The following FAM81A variants were observed in gnomAD, a reference collection of about 807,000 sequenced individuals.
FAM81A encodes family with sequence similarity 81 member A.
Under a neutral mutation model 46.7 loss-of-function variants are expected in FAM81A, and 19 were observed. The observed-to-expected ratio is 0.41, with a 90% CI of 0.28 to 0.60. The LOEUF (loss-of-function observed/expected upper bound fraction) is 0.60, where lower values mean the gene tolerates loss of function less well. Among genes scored for constraint, FAM81A ranks in the 20% least tolerant of loss-of-function variants. The pLI is 0.34. For synonymous variants in FAM81A, 183 were observed against 152.9 expected, an observed-to-expected ratio of 1.20 and a Z score of -1.45; for missense variants, 377 against 453.5, an observed-to-expected ratio of 0.83 and a Z score of 1.53.
chr15:59,476,125 C>T (rs1444637986), intron 3 of FAM81A, among the ~76,000 whole-genome samples: 2 of 152,122 alleles, frequency 1.3e-5, no homozygotes, highest in Admixed American at 1.3e-4. Flanking sequence ...TTTTAAGGTA[C>T]TAATCCCATT....
At chr15:59,504,800 C>T (rs1271788519) in intron 4 of FAM81A, among the ~76,000 whole-genome samples, 1 of 152,128 alleles carries the variant, frequency 6.6e-6, no homozygotes, top group Non-Finnish European at 1.5e-5. Flanking sequence ...TCTGTTGTCT[C>T]CTATATCTAT....
intron 2 of FAM81A, among the ~76,000 whole-genome samples, chr15:59,412,292 T>C (rs760061766): frequency 1.6e-4 from 24 of 152,174 alleles, no homozygotes; most frequent in Non-Finnish European, 3.1e-4. Flanking sequence ...AGGAGTTTTG[T>C]TGGGGAGAGA....
In FAM81A at chr15:59,412,447, C is replaced by T. The variant is rs184088246; in HGVS notation, c.-78+10089C>T. Among the ~76,000 whole-genome samples the T allele has an allele frequency of 3.0e-3, 455 of 152,184 alleles. 2 individuals carry two copies. Among genetic ancestry groups the T allele is most frequent in the African/African-American group, 0.011 (440 of 41,530 alleles). ...GGTTCCAAAGAATAGTGTTACAAGC[C>T]GGGCACAGTGGCTCATGTCTGTAAT... On this transcript the variant is annotated intron_variant, in intron 2 of 4. Transcript: ENST00000558348.
rs1173562951 is a variant in FAM81A at position 59,508,787 on chromosome 15, T to C, written c.544-76T>C. On this transcript the variant is annotated intron_variant, in intron 5 of 8. Coordinates refer to ENST00000288228, the MANE Select transcript of FAM81A (RefSeq NM_152450.3). Reference sequence around the variant, plus strand: ...AATCTTAATGCCATTGACTACAATATGGCTTACTAAATGTTTTCTGAAGTT... The same window carrying C: ...AATCTTAATGCCATTGACTACAATACGGCTTACTAAATGTTTTCTGAAGTT... 15 of 1,017,788 alleles carry C rather than the reference T, an allele frequency of 1.5e-5. No individual in the cohort carries two copies. In the African/African-American group the frequency reaches 2.4e-4, roughly 16 times the overall value. The allele number at this position is 1,017,788 out of a possible 1,614,324, so 63.0% of individuals were successfully genotyped here.
intron 1 of FAM81A, among the ~76,000 whole-genome samples, chr15:59,441,989 G>A (rs1186244451): frequency 2.6e-5 from 4 of 152,230 alleles, no homozygotes; most frequent in African/African-American, 7.2e-5. Context: ...ACTCTGTGAG[G>A]CAGAGACTCT....
rs1026654419 is a variant in FAM81A at position 59,522,852 on chromosome 15, C to G, written c.*1474C>G. 1.3e-5 allele frequency: 2 copies of G among 152,562 alleles called. No individual in the cohort carries two copies. Among genetic ancestry groups the G allele is most frequent in the African/African-American group, 2.4e-5 (1 of 41,418 alleles). 9.5% of individuals were successfully genotyped at this position (152,562 alleles called of 1,614,324 possible). A position where few individuals can be genotyped will look rare whatever the true frequency, so the allele number is the denominator to read the frequency against. ...ATATGCTGCTAAAGTACATATTTTGCTGTCAATGGCTTGACAATTTTTTTT... is the reference window on the plus strand; with the variant it reads ...ATATGCTGCTAAAGTACATATTTTGGTGTCAATGGCTTGACAATTTTTTTT... On this transcript the variant is annotated 3_prime_UTR_variant, in exon 9 of 9. Transcript: ENST00000288228.
At chr15:59,484,326 C>T (rs867805085) in intron 3 of FAM81A, among the ~76,000 whole-genome samples, 1 of 152,190 alleles carries the variant, frequency 6.6e-6, no homozygotes, top group Non-Finnish European at 1.5e-5. Flanking sequence ...GAAGCCTCCA[C>T]CAATTGTCCT....
chr15:59,481,896 T>G lies in FAM81A; in HGVS notation c.295-10375T>G, dbSNP rs138059073. On this transcript the variant is annotated intron_variant, in intron 3 of 8. Coordinates refer to ENST00000288228, the MANE Select transcript of FAM81A (RefSeq NM_152450.3). ...AAACCTTTTTGATTTTTGATATATT[T>G]TTAATATTATAGATTTAAAATATTT... 8.5e-3 allele frequency among the ~76,000 whole-genome samples: 1,289 copies of G among 151,954 alleles called. 17 individuals are homozygous for G. Among genetic ancestry groups the G allele is most frequent in the African/African-American group, 0.03 (1,233 of 41,474 alleles).
chr15:59,403,571 A>C (rs1231858290), intron 2 of FAM81A, among the ~76,000 whole-genome samples: 3 of 152,184 alleles, frequency 2.0e-5, no homozygotes, highest in Admixed American at 6.5e-5. Flanking sequence ...CTGTTATGGC[A>C]GCCGAAGCAG....
chr15:59,509,676 G>A (rs1392167896), intron 6 of FAM81A, among the ~76,000 whole-genome samples: 2 of 152,176 alleles, frequency 1.3e-5, no homozygotes, highest in Non-Finnish European at 2.9e-5. Flanking sequence ...AGGCCTGGTT[G>A]TGGGGCCTTC....
intron 6 of FAM81A, among the ~76,000 whole-genome samples, chr15:59,511,627 T>C (rs1459992258): frequency 6.6e-6 from 1 of 152,214 alleles, no homozygotes; most frequent in Non-Finnish European, 1.5e-5. Flanking sequence ...TATGTATCAG[T>C]ATTTTTGTAA....
chr15:59,426,857 C>T (rs2141559283), intron 2 of FAM81A, among the ~76,000 whole-genome samples: 1 of 152,334 alleles, frequency 6.6e-6, no homozygotes, highest in East Asian at 1.9e-4. Context: ...AACATATTTA[C>T]ATTATAACTA....
intron 3 of FAM81A, among the ~76,000 whole-genome samples, chr15:59,466,161 A>G (rs898928896): frequency 2.6e-5 from 4 of 152,236 alleles, no homozygotes; most frequent in Non-Finnish European, 4.4e-5. Context: ...TAGTGCTGCA[A>G]TAAACATACA....
intron 6 of FAM81A, among the ~76,000 whole-genome samples, chr15:59,512,267 T>A (rs543629351): frequency 2.7e-4 from 41 of 151,602 alleles, no homozygotes; most frequent in Non-Finnish European, 4.9e-4. Context: ...TCACTTGAGT[T>A]TGGGAGACTA....
At chr15:59,463,822 T>A (rs2081581450) in intron 3 of FAM81A, among the ~76,000 whole-genome samples, 1 of 152,298 alleles carries the variant, frequency 6.6e-6, no homozygotes, top group Admixed American at 6.5e-5. Flanking sequence ...TTTTTTGTTT[T>A]TGTTATTAAT....
intron 3 of FAM81A, among the ~76,000 whole-genome samples, chr15:59,467,782 G>T (rs546211500): frequency 9.9e-5 from 15 of 152,276 alleles, no homozygotes; most frequent in African/African-American, 3.4e-4. Flanking sequence ...TCCTTGTTTT[G>T]TGCCGGTTTT....
chr15:59,516,836 T>C lies in FAM81A; in HGVS notation c.978T>C (p.Asn326=). The C allele has an allele frequency of 1.9e-6, 3 of 1,597,938 alleles. No homozygotes were observed. The highest frequency in any genetic ancestry group is 2.6e-6 in the Non-Finnish European group (3 of 1,174,304). Residue 326 remains asparagine (N), a synonymous_variant, in exon 8 of 9, where the codon AAT becomes AAC. Coordinates refer to ENST00000288228, the MANE Select transcript of FAM81A (RefSeq NM_152450.3). ...TCAAGGAAATGAAAGCAGAAGTTAA[T>C]GCTGGTAGGCCAAAACCAGAACAGC... is the stretch of plus-strand genomic sequence containing the variant. The part of the protein sequence containing the change: ...QNIKEMKAEV[N]AGFTAVYESI...
chr15:59,443,577 A>T (rs1384816857), intron 1 of FAM81A, among the ~76,000 whole-genome samples: 3 of 152,032 alleles, frequency 2.0e-5, no homozygotes, highest in Non-Finnish European at 4.4e-5. Context: ...GCCTTGTCTG[A>T]TGTTTCTCAT....
chr15:59,478,034 C>G (rs1291877989), intron 3 of FAM81A, among the ~76,000 whole-genome samples: 2 of 152,144 alleles, frequency 1.3e-5, no homozygotes, highest in East Asian at 3.8e-4. Flanking sequence ...AAGCCGTTAT[C>G]GGTCCCTGGA....
Sources: gnomAD v4.1 joint callset for allele counts (sites outside exome capture counted in the v4.1 genomes callset) on GRCh38, gnomAD v4.1.1 for gene constraint, MANE v1.5 for transcripts, NCBI Gene and HGNC (gene_info 2026-07-23, HGNC 2026-07-21) for gene names.